Variants in MTHFD1 observed in about 807,000 individuals in gnomAD.
MTHFD1 encodes methylenetetrahydrofolate dehydrogenase, cyclohydrolase and formyltetrahydrofolate synthetase 1.
In MTHFD1, 44 loss-of-function variants were observed where a neutral mutation model predicts 110.3. That is an observed-to-expected ratio of 0.40 (90% CI 0.31 to 0.51). The LOEUF (loss-of-function observed/expected upper bound fraction) is 0.51, where lower values mean the gene tolerates loss of function less well. Among genes scored for constraint, MTHFD1 ranks in the 20% least tolerant of loss-of-function variants. The pLI is 0.60. For missense variants in MTHFD1, 909 were observed against 1,173.1 expected (o/e 0.77, Z 3.29); for synonymous variants, 402 against 428.8 (o/e 0.94, Z 0.77).
At chr14:64,440,012 C>T in intron 17 of MTHFD1, 114 bp from the exon 18 acceptor site, 1 of 851,414 alleles carries the variant, frequency 1.2e-6, no homozygotes. Flanking sequence ...TTCTGTTATT[C>T]TATCCTTTTA....
At chr14:64,453,369 C>G (rs1306247330) in intron 24 of MTHFD1, among the ~76,000 whole-genome samples, 1 of 152,020 alleles carries the variant, frequency 6.6e-6, no homozygotes, top group African/African-American at 2.4e-5. Flanking sequence ...GTTGGGAGTT[C>G]AAGACCAGCC....
chr14:64,393,037 A>G (rs1394860371), intron 1 of MTHFD1, among the ~76,000 whole-genome samples: 2 of 152,206 alleles, frequency 1.3e-5, no homozygotes, highest in Non-Finnish European at 2.9e-5. Context: ...CTTGGTTACT[A>G]AGTTAACATG....
chr14:64,414,656 ATTTTT>A (rs564110675), intron 4 of MTHFD1, among the ~76,000 whole-genome samples: 1 of 124,048 alleles, frequency 8.1e-6, no homozygotes. Flanking sequence ...CCCAGCCCTA[ATTTTT>A]TTTTTTTTTT....
chr14:64,394,263 AG>A (rs2077829751), intron 1 of MTHFD1, among the ~76,000 whole-genome samples: 1 of 152,124 alleles, frequency 6.6e-6, no homozygotes, highest in African/African-American at 2.4e-5. Context: ...TGACTTGCCC[AG>A]GTGTTCCAAG....
intron 26 of MTHFD1, among the ~76,000 whole-genome samples, chr14:64,456,135 G>A (rs1269693896): frequency 6.6e-6 from 1 of 152,236 alleles, no homozygotes; most frequent in East Asian, 1.9e-4. Flanking sequence ...GGTAACAGTA[G>A]AGGTGAAAGC....
At chr14:64,458,345 C>T (rs546183033) in intron 27 of MTHFD1, 38 bp downstream of exon 27, 1 of 1,288,718 alleles carries the variant, frequency 7.8e-7, no homozygotes, top group Admixed American at 1.7e-5. Context: ...CTTTTTTCCT[C>T]ATGTAGCTTA....
intron 21 of MTHFD1, among the ~76,000 whole-genome samples, chr14:64,442,618 C>T (rs971278958): frequency 6.6e-6 from 1 of 152,352 alleles, no homozygotes; most frequent in East Asian, 1.9e-4. Flanking sequence ...AATCGGCTGC[C>T]TGGCCTACCT....
At chr14:64,455,433 C>T (rs191136685) in intron 26 of MTHFD1, among the ~76,000 whole-genome samples, 18 of 152,296 alleles carry the variant, frequency 1.2e-4, no homozygotes, top group African/African-American at 4.3e-4. Flanking sequence ...GCTTTCTTAT[C>T]TTACAGATTT....
At chr14:64,440,330 C>T (rs1272139635) in intron 18 of MTHFD1, 64 bp downstream of exon 18, 1 of 1,587,150 alleles carries the variant, frequency 6.3e-7, no homozygotes, top group Non-Finnish European at 8.6e-7. Context: ...GGTCTTTCAG[C>T]AGTTATTAAT....
At chr14:64,400,023 C>T (rs1472966173) in intron 1 of MTHFD1, among the ~76,000 whole-genome samples, 1 of 152,174 alleles carries the variant, frequency 6.6e-6, no homozygotes, top group East Asian at 1.9e-4. Context: ...AATCCTCTTG[C>T]CTTAGGTTCC....
At chr14:64,450,821 C>T (rs998028040) in intron 24 of MTHFD1, among the ~76,000 whole-genome samples, 6 of 151,428 alleles carry the variant, frequency 4.0e-5, no homozygotes, top group Non-Finnish European at 5.9e-5. Flanking sequence ...GGTCCTCCCA[C>T]CTCAGCCCCC....
chr14:64,427,402 G>T lies in MTHFD1; in HGVS notation c.1193G>T (p.Gly398Val). ...TTTIGLVQAL[G>V]AHLYQNVFAC... is the part of the protein sequence containing the mutation. The stretch of plus-strand genomic sequence containing the variant: ...ACAATCGGGCTAGTGCAAGCCCTTG[G>T]TGCCCATCTCTACCAGAATGTCTTT... The change falls in exon 12 of 28, where the codon GGT (glycine) becomes GTT (valine). Residue 398 changes from glycine (G) to valine (V), a missense_variant. Around this residue, in one of 3 missense-constraint regions of MTHFD1, gnomAD observed 424 missense variants for 510.4 expected, o/e 0.83. Transcript: ENST00000652337. The T allele has an allele frequency of 6.2e-7, 1 of 1,614,066 alleles. No homozygotes were observed. The highest frequency in any genetic ancestry group is 8.5e-7 in the Non-Finnish European group (1 of 1,179,958).
intron 7 of MTHFD1, among the ~76,000 whole-genome samples, chr14:64,418,821 AC>A (rs1054606335): frequency 2.3e-4 from 35 of 152,142 alleles, no homozygotes; most frequent in Admixed American, 3.9e-4. Context: ...CTCCCAAAGT[AC>A]TGGGATTACA....
intron 23 of MTHFD1, 155 bp downstream of exon 23, chr14:64,448,472 C>G (rs1487454985): frequency 1.5e-6 from 1 of 689,388 alleles, no homozygotes; most frequent in East Asian, 2.8e-5. Context: ...GCATACGTCA[C>G]TGCGGGCTCA....
Position 64,456,084 on chromosome 14 carries a change from G to A in MTHFD1, c.2718+1209G>A, listed in dbSNP as rs76444252. Among the ~76,000 whole-genome samples, 1,178 of 152,312 alleles carry A rather than the reference G, an allele frequency of 7.7e-3. 7 individuals are homozygous for A. The highest frequency in any genetic ancestry group is 0.027 in the African/African-American group (1,106 of 41,568). ...GCTACCAGCTGAAAGACGGGTAGCTGTACTCTTTCTTGTCACTTTTGATCT... is the reference window on the plus strand; with the variant it reads ...GCTACCAGCTGAAAGACGGGTAGCTATACTCTTTCTTGTCACTTTTGATCT... On this transcript the variant is annotated intron_variant, in intron 26 of 27. Coordinates refer to ENST00000652337, the MANE Select transcript of MTHFD1 (RefSeq NM_005956.4).
chr14:64,396,200 A>G (rs937443710), intron 1 of MTHFD1, among the ~76,000 whole-genome samples: 1 of 152,152 alleles, frequency 6.6e-6, no homozygotes, highest in African/African-American at 2.4e-5. Context: ...GTATACTGAT[A>G]TAGCTTTTGC....
intron 11 of MTHFD1, among the ~76,000 whole-genome samples, 200 bp downstream of exon 11, chr14:64,426,392 G>C (rs1215195243): frequency 6.6e-6 from 1 of 152,206 alleles, no homozygotes; most frequent in Non-Finnish European, 1.5e-5. Flanking sequence ...GAGAAAATTG[G>C]TCAAGGTTAT....
intron 27 of MTHFD1, chr14:64,458,713 A>G (rs2140994283): frequency 3.9e-6 from 1 of 258,960 alleles, no homozygotes; most frequent in Admixed American, 4.9e-5. Context: ...GAAGGCAAGA[A>G]TTAGCAAATG....
intron 21 of MTHFD1, among the ~76,000 whole-genome samples, chr14:64,444,131 G>A (rs2078270754): frequency 6.6e-6 from 1 of 152,090 alleles, no homozygotes; most frequent in Non-Finnish European, 1.5e-5. Context: ...GGGGCGGGGA[G>A]GCACCAGACA....
Sources: allele counts gnomAD v4.1 joint callset (sites outside exome capture counted in the v4.1 genomes callset), GRCh38; gene constraint gnomAD v4.1.1; regional missense constraint gnomAD v4.1.1; transcripts MANE v1.5; gene names NCBI Gene and HGNC (gene_info 2026-07-23, HGNC 2026-07-21).